Variants in DNAH10 observed in about 807,000 individuals in gnomAD.
The protein encoded by DNAH10 is dynein axonemal heavy chain 10.
Under a neutral mutation model 506.6 loss-of-function variants are expected in DNAH10, and 348 were observed. The ratio of observed to expected loss-of-function variants is 0.69; its 90% confidence interval spans 0.63 to 0.75. DNAH10 has a LOEUF of 0.75. DNAH10 is among the 30% of genes least tolerant of loss of function. The pLI, the probability that DNAH10 is intolerant of heterozygous loss-of-function variation, is 0.00. For missense variants in DNAH10, 5,179 were observed against 5,787.1 expected, an observed-to-expected ratio of 0.89 and a Z score of 3.41; for synonymous variants, 2,059 against 2,198.6, an observed-to-expected ratio of 0.94 and a Z score of 1.78.
Position 123,916,131 on chromosome 12 carries a change from G to A in DNAH10, c.10723-326G>A, listed in dbSNP as rs1276506345. 6.6e-6 allele frequency among the ~76,000 whole-genome samples: 1 copy of A among 152,086 alleles called. No individual in the cohort carries two copies. Among genetic ancestry groups the A allele is most frequent in the Non-Finnish European group, 1.5e-5 (1 of 68,004 alleles). On this transcript the variant is annotated intron_variant, in intron 62 of 78. Transcript: ENST00000673944. This position sits in a 1 kb window ranked among gnomAD's most constrained non-coding sequence, Gnocchi z 4.6. ...TCTAGACTCCCTCTTCCCTCAGCCT[G>A]CCAGGGAGCACTGAAATTGTCAGCC...
At chr12:123,900,945 A>G (rs1953491414) in intron 56 of DNAH10, among the ~76,000 whole-genome samples, 1 of 152,058 alleles carries the variant, frequency 6.6e-6, no homozygotes, top group Admixed American at 6.5e-5. Context: ...CTGTGATTGG[A>G]CAGATTTGGG....
In DNAH10 at chr12:123,853,111, G is replaced by GC; in HGVS notation, c.6292-90dup. The stretch of plus-strand genomic sequence containing the variant: ...GTAGAGCAGCTGCACTGGAACACCT[G>GC]CCCCCGTTTTCTTGCATTTGTAGAA... On this transcript the variant is annotated intron_variant, in intron 35 of 78. Transcript: ENST00000673944. The surrounding 1 kb of genome is among the most constrained non-coding windows in gnomAD (Gnocchi z 4.7). 1 of 1,303,398 alleles carries GC rather than the reference G, an allele frequency of 7.7e-7. No homozygotes were observed. Among genetic ancestry groups the GC allele is most frequent in the South Asian group, 2.0e-5 (1 of 50,284 alleles). The allele number at this position is 1,303,398 out of a possible 1,614,324, so 80.7% of individuals were successfully genotyped here. A position where few individuals can be genotyped will look rare whatever the true frequency, so the allele number is the denominator to read the frequency against.
chr12:123,850,960 C>T lies in DNAH10; in HGVS notation c.6175C>T (p.Arg2059Cys), dbSNP rs559382319. ...FITMNPGYAG[R>C]TELPESVKAL... ...CACCATGAACCCCGGCTACGCAGGC[C>T]GCACGGAGCTGCCCGAGTCGGTGAA... is the stretch of plus-strand genomic sequence containing the variant. The change falls in exon 35 of 79, where the codon CGC (arginine) becomes TGC (cysteine). Residue 2059 changes from arginine (R) to cysteine (C), a missense_variant. Transcript: ENST00000673944. The surrounding 1 kb of genome is among the most constrained non-coding windows in gnomAD (Gnocchi z 5.5). 2.7e-4 allele frequency: 443 copies of T among 1,614,044 alleles called. 9 individuals carry two copies. In the South Asian group the frequency reaches 3.8e-3, roughly 14 times the overall value.
intron 30 of DNAH10, among the ~76,000 whole-genome samples, chr12:123,843,672 G>C (rs571182720): frequency 6.6e-6 from 1 of 152,272 alleles, no homozygotes; most frequent in South Asian, 2.1e-4. Flanking sequence ...CCGCCTTCCA[G>C]GTTCAAGCGA....
intron 44 of DNAH10, 119 bp from the exon 45 acceptor site, chr12:123,871,338 C>T: frequency 8.4e-7 from 1 of 1,185,400 alleles, no homozygotes. Flanking sequence ...GAGGTCATGT[C>T]TTGGCCTTTG....
rs751181113 is a variant in DNAH10 at position 123,903,119 on chromosome 12, G to A, written c.9815+6G>A. On this transcript the variant is annotated splice_donor_region_variant and intron_variant, in intron 57 of 78. Transcript: ENST00000673944. This position sits in a 1 kb window ranked among gnomAD's most constrained non-coding sequence, Gnocchi z 4.6. Reference sequence around the variant, plus strand: ...TCGGACGTGACTGAGATTAGGTAATGCACCTGAGCCACCATTCTGGGCTTC... The same window carrying A: ...TCGGACGTGACTGAGATTAGGTAATACACCTGAGCCACCATTCTGGGCTTC... 35 of 1,603,804 alleles carry A rather than the reference G, an allele frequency of 2.2e-5. No individual in the cohort carries two copies. Among genetic ancestry groups the A allele is most frequent in the Non-Finnish European group, 2.9e-5 (34 of 1,175,306 alleles).
At chr12:123,932,840 T>C (rs1955284223) in intron 76 of DNAH10, 1 of 153,760 alleles carries the variant, frequency 6.5e-6, no homozygotes, top group Non-Finnish European at 1.4e-5. Flanking sequence ...ATTGTCCTTT[T>C]GTATCTGGAT....
chr12:123,888,339 C>T (rs192528727), intron 52 of DNAH10, among the ~76,000 whole-genome samples: 1 of 152,278 alleles, frequency 6.6e-6, no homozygotes, highest in East Asian at 1.9e-4. Flanking sequence ...CTCTAAAAGA[C>T]ACATCCTAAA....
chr12:123,768,626 G>A (rs76704459), intron 2 of DNAH10, among the ~76,000 whole-genome samples: 8,085 of 152,296 alleles, frequency 0.053, 614 homozygotes, highest in African/African-American at 0.16. Flanking sequence ...TCATGCAGGC[G>A]ATGTCTCAGC....
intron 72 of DNAH10, 145 bp from the exon 73 acceptor site, chr12:123,930,257 G>A: frequency 1.4e-6 from 1 of 722,248 alleles, no homozygotes; most frequent in South Asian, 2.5e-5. Flanking sequence ...TGGCCCGAAA[G>A]GTTATGCAAG....
At chr12:123,773,929 G>A (rs1320359264) in intron 4 of DNAH10, among the ~76,000 whole-genome samples, 3 of 152,218 alleles carry the variant, frequency 2.0e-5, no homozygotes, top group Non-Finnish European at 4.4e-5. Flanking sequence ...CTTGTGCACT[G>A]TTCATACTAA....
intron 39 of DNAH10, among the ~76,000 whole-genome samples, chr12:123,861,852 G>A (rs188127677): frequency 1.3e-5 from 2 of 152,328 alleles, no homozygotes; most frequent in Non-Finnish European, 1.5e-5. Flanking sequence ...TTTTAAAACA[G>A]CTTCTTAGCG....
rs578144689 is a variant in DNAH10, at chr12:123,776,201, C to T, written c.621+1937C>T. ...ACATCAAGGGTGATGGTTATTTAGG[C>T]TCCAATCAGGGGAGGGAGGGAGAAG... is the stretch of plus-strand genomic sequence containing the variant. On this transcript the variant is annotated intron_variant, in intron 5 of 78. Coordinates refer to ENST00000673944, the MANE Select transcript of DNAH10 (RefSeq NM_001372106.1). 2.0e-5 allele frequency among the ~76,000 whole-genome samples: 3 copies of T among 152,124 alleles called. No individual in the cohort carries two copies. In the South Asian group the frequency reaches 6.2e-4, roughly 32 times the overall value.
At chr12:123,809,019 G>C in intron 19 of DNAH10, 66 bp downstream of exon 19, 2 of 1,585,428 alleles carry the variant, frequency 1.3e-6, no homozygotes, top group Non-Finnish European at 1.7e-6. Context: ...CTCCCAAAGT[G>C]CTGGGACTAT....
Position 123,794,060 on chromosome 12 carries a change from A to C in DNAH10, c.1934A>C (p.Asn645Thr). ...CACATTCGTTCACGGGAGGCTGTTA[A>C]TCGACAAATGATGATGAAATTTAAT... ...FKHIRSREAV[N>T]RQMMMKFNDI... is the part of the protein sequence containing the mutation. Residue 645 changes from asparagine (N) to threonine (T), a missense_variant, in exon 12 of 79, where the codon AAT becomes ACT. Transcript: ENST00000673944. 1 of 1,284,840 alleles carries C rather than the reference A, an allele frequency of 7.8e-7. No homozygotes were observed. Among genetic ancestry groups the C allele is most frequent in the Non-Finnish European group, 1.0e-6 (1 of 986,016 alleles). 79.6% of individuals were successfully genotyped at this position (1,284,840 alleles called of 1,614,324 possible).
At chr12:123,915,526 T>G (rs1162493510) in intron 62 of DNAH10, among the ~76,000 whole-genome samples, 1 of 149,446 alleles carries the variant, frequency 6.7e-6, no homozygotes, top group Non-Finnish European at 1.5e-5. Flanking sequence ...CTCCAGTCCT[T>G]CCGTTTCTCC....
At chr12:123,889,775 A>G (rs1214653593) in intron 52 of DNAH10, among the ~76,000 whole-genome samples, 2 of 152,202 alleles carry the variant, frequency 1.3e-5, no homozygotes, top group Non-Finnish European at 2.9e-5. Flanking sequence ...GTCAGAAATC[A>G]GAAAAGGGTC....
chr12:123,934,652 T>C lies in DNAH10; in HGVS notation c.13509T>C (p.Gly4503=), dbSNP rs760154325. The C allele has an allele frequency of 7.4e-6, 12 of 1,613,604 alleles. No individual in the cohort carries two copies. In the South Asian group the frequency reaches 1.3e-4, roughly 18 times the overall value. The stretch of plus-strand genomic sequence containing the variant: ...TTGTCTCAGGACTGTACCTGGAAGG[T>C]GCTGACTGGGATATAGAAAAAGGAT... ...GCFVSGLYLE[G]ADWDIEKGCL... is the part of the protein sequence containing the mutation. Residue 4503 remains glycine (G), a synonymous_variant, in exon 78 of 79, where the codon GGT becomes GGC. Coordinates refer to ENST00000673944, the MANE Select transcript of DNAH10 (RefSeq NM_001372106.1).
Position 123,913,037 on chromosome 12 carries a change from A to C in DNAH10, c.10135-61A>C. On this transcript the variant is annotated intron_variant, in intron 59 of 78. Coordinates refer to ENST00000673944, the MANE Select transcript of DNAH10 (RefSeq NM_001372106.1). This position sits in a 1 kb window ranked among gnomAD's most constrained non-coding sequence, Gnocchi z 5.1. ...TAGACATGTGGCCTGGTTTGAGGCCATGGGATCGCGGCCCCACCACGGTCC... is the reference window on the plus strand; with the variant it reads ...TAGACATGTGGCCTGGTTTGAGGCCCTGGGATCGCGGCCCCACCACGGTCC... 1 of 1,505,324 alleles carries C rather than the reference A, an allele frequency of 6.6e-7. No individual in the cohort carries two copies. Among genetic ancestry groups the C allele is most frequent in the Non-Finnish European group, 9.0e-7 (1 of 1,110,408 alleles). 93.2% of individuals were successfully genotyped at this position (1,505,324 alleles called of 1,614,324 possible).
Sources: gnomAD v4.1 joint callset for allele counts (sites outside exome capture counted in the v4.1 genomes callset) on GRCh38, gnomAD v4.1.1 for gene constraint, Gnocchi (gnomAD v3.1) non-coding constraint, MANE v1.5 for transcripts, NCBI Gene and HGNC (gene_info 2026-07-23, HGNC 2026-07-21) for gene names.